Variants in BMPR2 observed in about 807,000 individuals in gnomAD.
BMPR2 encodes bone morphogenetic protein receptor type 2, also known as bone morphogenetic protein receptor type-2.
Under a neutral mutation model 100.8 loss-of-function variants are expected in BMPR2, and 29 were observed. The observed-to-expected ratio is 0.29, with a 90% CI of 0.21 to 0.39. The LOEUF is 0.39. Among genes scored for constraint, BMPR2 ranks in the 10% least tolerant of loss-of-function variants. BMPR2 has a pLI of 1.00. For missense variants in BMPR2, 1,011 were observed against 1,274.5 expected (o/e 0.79, Z 3.15); for synonymous variants, 382 against 442.3 (o/e 0.86, Z 1.71).
chr2:202,455,785 G>A (rs1277202202), intron 1 of BMPR2, among the ~76,000 whole-genome samples: 1 of 151,528 alleles, frequency 6.6e-6, no homozygotes, highest in Non-Finnish European at 1.5e-5. Context: ...AAGTAGTATT[G>A]CCAGGGGCGG....
At chr2:202,501,286 C>T (rs927570598) in intron 3 of BMPR2, among the ~76,000 whole-genome samples, 9 of 152,172 alleles carry the variant, frequency 5.9e-5, no homozygotes, top group South Asian at 2.1e-4. Flanking sequence ...TTGGAATTAC[C>T]GGCTTTTGCC....
Position 202,560,051 on chromosome 2 carries a change from C to T in BMPR2, c.*105C>T, listed in dbSNP as rs893251171. ...CTGCTTTATCCTCCTGTCAGCACCC[C>T]CTCCCACCCCTGCAACAAAGACTTG... On this transcript the variant is annotated 3_prime_UTR_variant, in exon 13 of 13. Coordinates refer to ENST00000374580, the MANE Select transcript of BMPR2 (RefSeq NM_001204.7). The T allele has an allele frequency of 4.4e-6, 6 of 1,371,184 alleles. No individual in the cohort carries two copies. The highest frequency in any genetic ancestry group is 1.5e-5 in the African/African-American group (1 of 68,256). 84.9% of individuals were successfully genotyped at this position (1,371,184 alleles called of 1,614,324 possible). A position where few individuals can be genotyped will look rare whatever the true frequency, so the allele number is the denominator to read the frequency against.
At chr2:202,484,811 T>C (rs1171323076) in intron 3 of BMPR2, among the ~76,000 whole-genome samples, 1 of 145,016 alleles carries the variant, frequency 6.9e-6, no homozygotes, top group Admixed American at 7.0e-5. Flanking sequence ...CTAAAAAAAA[T>C]GCAAAAAATT....
rs116557864 is a variant in BMPR2, at chr2:202,385,082, T to A, written c.76+7532T>A. ...ATAAGTGTGAAGGGATGTATAAATA[T>A]TTGGCCAGTAATCCAAATTCTTCAG... is the stretch of plus-strand genomic sequence containing the variant. On this transcript the variant is annotated intron_variant, in intron 1 of 12. Coordinates refer to ENST00000374580, the MANE Select transcript of BMPR2 (RefSeq NM_001204.7). 9.1e-3 allele frequency among the ~76,000 whole-genome samples: 1,387 copies of A among 152,248 alleles called. 11 individuals are homozygous for A. The highest frequency in any genetic ancestry group is 0.014 in the Middle Eastern group (4 of 294).
In BMPR2 at chr2:202,530,954, G is replaced by A. The variant is rs138689976; in HGVS notation, c.1128G>A (p.Glu376=). The A allele has an allele frequency of 3.6e-5, 58 of 1,613,874 alleles. No homozygotes were observed. The highest frequency in any genetic ancestry group is 4.6e-5 in the Non-Finnish European group (54 of 1,179,938). Residue 376 remains glutamate, a splice_region_variant and synonymous_variant, in exon 8 of 13, where the codon GAG becomes GAA. Transcript: ENST00000374580. Reference sequence around the variant, plus strand: ...AGGAAGATAATGCAGCCATAAGCGAGGTGAGTGTATACAAAAGGTATCACA... The same window carrying A: ...AGGAAGATAATGCAGCCATAAGCGAAGTGAGTGTATACAAAAGGTATCACA... ...PGEEDNAAIS[E]VGTIRYMAPE...
chr2:202,534,401 C>CT (rs1418864296), intron 9 of BMPR2, among the ~76,000 whole-genome samples: 1 of 151,720 alleles, frequency 6.6e-6, no homozygotes, highest in East Asian at 1.9e-4. Context: ...GCAGAGGACC[C>CT]TGCGGCCTTC....
At chr2:202,473,434 A>G (rs12469436) in intron 3 of BMPR2, among the ~76,000 whole-genome samples, 18,085 of 152,006 alleles carry the variant, frequency 0.12, 1,190 homozygotes, top group Admixed American at 0.14. Context: ...CCTAGGCTAC[A>G]GAGTGAGAAC....
At chr2:202,475,039 CTT>C (rs1454735356) in intron 3 of BMPR2, 2 of 151,534 alleles carry the variant, frequency 1.3e-5, no homozygotes, top group East Asian at 3.9e-4. Context: ...AGTCTTTTCT[CTT>C]TTATTTTTGC....
At chr2:202,548,816 G>A (rs899304287) in intron 10 of BMPR2, among the ~76,000 whole-genome samples, 4 of 152,018 alleles carry the variant, frequency 2.6e-5, no homozygotes, top group African/African-American at 4.8e-5. Flanking sequence ...TTCAAAGGAC[G>A]CATCAGATTT....
chr2:202,448,276 C>T (rs890087462), intron 1 of BMPR2, among the ~76,000 whole-genome samples: 4 of 150,612 alleles, frequency 2.7e-5, no homozygotes, highest in African/African-American at 4.9e-5. Context: ...GGTGAAACCC[C>T]GTCTCTTCTA....
At chr2:202,524,866 C>T (rs1420894726) in intron 7 of BMPR2, among the ~76,000 whole-genome samples, 1 of 151,798 alleles carries the variant, frequency 6.6e-6, no homozygotes, top group East Asian at 1.9e-4. Flanking sequence ...AACCCCATCT[C>T]TACTAAAAAT....
At chr2:202,411,236 A>T (rs1392358689) in intron 1 of BMPR2, among the ~76,000 whole-genome samples, 2 of 152,202 alleles carry the variant, frequency 1.3e-5, no homozygotes, top group African/African-American at 4.8e-5. Context: ...CTGGTGACAC[A>T]TTGACATCTG....
At chr2:202,552,600 A>G (rs1688499054) in intron 10 of BMPR2, 116 bp from the exon 11 acceptor site, 2 of 1,022,784 alleles carry the variant, frequency 2.0e-6, no homozygotes, top group Admixed American at 2.0e-5. Flanking sequence ...TATTAGAGCT[A>G]TGTAAAATAC....
intron 3 of BMPR2, among the ~76,000 whole-genome samples, chr2:202,484,410 T>TA (rs1223110045): frequency 1.4e-5 from 2 of 145,746 alleles, no homozygotes; most frequent in African/African-American, 5.1e-5. Context: ...CGCGGTGGCT[T>TA]ACGCCTGTAA....
rs1483696351 is a variant in BMPR2 at position 202,495,001 on chromosome 2, G to C, written c.419-18718G>C. Among the ~76,000 whole-genome samples the C allele has an allele frequency of 1.3e-5, 2 of 152,198 alleles. No individual in the cohort carries two copies. Among genetic ancestry groups the C allele is most frequent in the African/African-American group, 4.8e-5 (2 of 41,444 alleles). ...TGCCCCGCTGCTCAGACCTCTAGGGGACCATACAGACAGGTAGGCTGTGGG... is the reference window on the plus strand; with the variant it reads ...TGCCCCGCTGCTCAGACCTCTAGGGCACCATACAGACAGGTAGGCTGTGGG... On this transcript the variant is annotated intron_variant, in intron 3 of 12. Transcript: ENST00000374580. The surrounding 1 kb of genome is among the most constrained non-coding windows in gnomAD (Gnocchi z 4.5).
At chr2:202,380,910 T>G (rs545308012) in intron 1 of BMPR2, among the ~76,000 whole-genome samples, 2 of 138,456 alleles carry the variant, frequency 1.4e-5, no homozygotes, top group Non-Finnish European at 1.5e-5. Context: ...TGGGCCACTG[T>G]GCCTGGCCCT....
At chr2:202,516,695 T>G (rs999058051) in intron 5 of BMPR2, among the ~76,000 whole-genome samples, 16 of 151,698 alleles carry the variant, frequency 1.1e-4, no homozygotes, top group African/African-American at 3.9e-4. Flanking sequence ...ACAAAAGAAG[T>G]AAGTGTGGCT....
intron 1 of BMPR2, among the ~76,000 whole-genome samples, chr2:202,390,331 G>T (rs537218040): frequency 7.2e-6 from 1 of 139,008 alleles, no homozygotes; most frequent in African/African-American, 2.8e-5. Flanking sequence ...CTTTTCTTTC[G>T]TGTTTTTTTT....
intron 12 of BMPR2, 148 bp from the exon 13 acceptor site, chr2:202,559,548 G>A (rs1688645410): frequency 6.6e-6 from 6 of 907,680 alleles, no homozygotes; most frequent in Non-Finnish European, 1.0e-5. Flanking sequence ...GCTTTTCCTG[G>A]AAAAACATTG....
Sources: gnomAD v4.1 joint callset for allele counts (sites outside exome capture counted in the v4.1 genomes callset) on GRCh38, gnomAD v4.1.1 for gene constraint, Gnocchi (gnomAD v3.1) non-coding constraint, MANE v1.5 for transcripts, NCBI Gene and HGNC (gene_info 2026-07-23, HGNC 2026-07-21) for gene names.